Variants in MAPK10 observed in about 807,000 individuals in gnomAD.
MAPK10 encodes JNK3 alpha protein kinase.
Under a neutral mutation model 59.3 loss-of-function variants are expected in MAPK10, and 25 were observed. The ratio of observed to expected loss-of-function variants is 0.42; its 90% confidence interval spans 0.31 to 0.59. The LOEUF (loss-of-function observed/expected upper bound fraction) is 0.59, where lower values mean the gene tolerates loss of function less well. Among genes scored for constraint, MAPK10 ranks in the 20% least tolerant of loss-of-function variants. The pLI is 0.15. For missense variants in MAPK10, 351 were observed against 568.9 expected, an observed-to-expected ratio of 0.62 and a Z score of 3.90; for synonymous variants, 190 against 200.5, an observed-to-expected ratio of 0.95 and a Z score of 0.44.
chr4:86,573,803 C>T (rs1761649456), intron 1 of MAPK10, among the ~76,000 whole-genome samples: 1 of 152,118 alleles, frequency 6.6e-6, no homozygotes, highest in Non-Finnish European at 1.5e-5. Context: ...TCCACATTTT[C>T]TTAGATTTAT....
chr4:86,383,536 C>G (rs1377345103), intron 1 of MAPK10, among the ~76,000 whole-genome samples: 1 of 151,614 alleles, frequency 6.6e-6, no homozygotes. Context: ...AAAAATAAAC[C>G]AGTTATTAAT....
At chr4:86,552,402 CAG>C (rs1289903686) in intron 1 of MAPK10, among the ~76,000 whole-genome samples, 2 of 145,300 alleles carry the variant, frequency 1.4e-5, no homozygotes, top group African/African-American at 5.1e-5. Flanking sequence ...GCCCAGGCAA[CAG>C]AGTGAGACCC....
intron 2 of MAPK10, among the ~76,000 whole-genome samples, chr4:86,248,983 T>C (rs1249070198): frequency 6.6e-6 from 1 of 152,170 alleles, no homozygotes; most frequent in Non-Finnish European, 1.5e-5. Flanking sequence ...TTTTTAAAAG[T>C]ATAATTTAGC....
At chr4:86,229,501 T>G (rs962625998) in intron 2 of MAPK10, among the ~76,000 whole-genome samples, 4 of 152,180 alleles carry the variant, frequency 2.6e-5, no homozygotes, top group Non-Finnish European at 5.9e-5. Context: ...ATCCAGACTC[T>G]CTTTCTTCTA....
chr4:86,481,340 T>C (rs1227762104), intron 1 of MAPK10, among the ~76,000 whole-genome samples: 3 of 150,888 alleles, frequency 2.0e-5, no homozygotes, highest in Non-Finnish European at 4.4e-5. Context: ...AAGGCACCAA[T>C]CAGCATACTA....
intron 1 of MAPK10, among the ~76,000 whole-genome samples, chr4:86,359,284 CTCTCTGTGTGTGTGTGTG>C (rs1253866672): frequency 1.6e-4 from 21 of 132,880 alleles, no homozygotes; most frequent in Non-Finnish European, 2.8e-4. Flanking sequence ...CTCTCTCTCT[CTCTCTGTGTGTGTGTGTG>C]TGTGTGTGTG....
chr4:86,268,310 T>C (rs2094323251), intron 2 of MAPK10: 1 of 152,282 alleles, frequency 6.6e-6, no homozygotes, highest in Non-Finnish European at 1.5e-5. Context: ...CCATCTTTAC[T>C]GTGACATCTT....
At chr4:86,538,433 A>G (rs1430022105) in intron 1 of MAPK10, among the ~76,000 whole-genome samples, 1 of 152,196 alleles carries the variant, frequency 6.6e-6, no homozygotes, top group Non-Finnish European at 1.5e-5. Context: ...GGTGTGAGCC[A>G]CCGCACCCGG....
chr4:86,501,387 A>G (rs932507469), intron 1 of MAPK10, among the ~76,000 whole-genome samples: 1 of 151,998 alleles, frequency 6.6e-6, no homozygotes, highest in Non-Finnish European at 1.5e-5. Context: ...CCAAGGAATC[A>G]TTTACACTAT....
chr4:86,269,048 A>C (rs1252167208), intron 2 of MAPK10, among the ~76,000 whole-genome samples: 5 of 152,124 alleles, frequency 3.3e-5, no homozygotes, highest in Non-Finnish European at 5.9e-5. Flanking sequence ...ACATTTTTTG[A>C]ATGACTAAAA....
intron 11 of MAPK10, among the ~76,000 whole-genome samples, chr4:86,040,189 C>T (rs2041224333): frequency 6.6e-6 from 1 of 151,940 alleles, no homozygotes; most frequent in Non-Finnish European, 1.5e-5. Context: ...AATATATAAA[C>T]TAAGAGACAA....
intron 1 of MAPK10, among the ~76,000 whole-genome samples, chr4:86,528,808 T>G (rs1440882676): frequency 1.3e-5 from 2 of 152,230 alleles, no homozygotes; most frequent in Non-Finnish European, 2.9e-5. Flanking sequence ...CTTTTCAGTC[T>G]AATTTGGTTA....
chr4:86,225,180 G>A (rs1240106329), intron 2 of MAPK10, among the ~76,000 whole-genome samples: 1 of 152,162 alleles, frequency 6.6e-6, no homozygotes, highest in East Asian at 1.9e-4. Flanking sequence ...CCCTGAGCTG[G>A]AGTATAGAAA....
upstream of MAPK10, among the ~76,000 whole-genome samples, chr4:86,364,017 T>C (rs751080726): frequency 3.3e-5 from 5 of 152,166 alleles, no homozygotes; most frequent in Non-Finnish European, 7.4e-5. Flanking sequence ...CCTGAACTCA[T>C]GTGATCCTCT....
In MAPK10 at chr4:86,101,133, T is replaced by C; in HGVS notation, c.649A>G (p.Ser217Gly). 6.2e-7 allele frequency: 1 copy of C among 1,613,998 alleles called. No homozygotes were observed. Among genetic ancestry groups the C allele is most frequent in the Non-Finnish European group, 8.5e-7 (1 of 1,179,888 alleles). The change falls in exon 8 of 14, where the codon AGC becomes GGC. Residue 217 changes from serine (S) to glycine (G), a missense_variant. Physicochemically the swap from Ser to Gly is moderately conservative, Grantham distance 56 (BLOSUM62 0). Around this residue, in one of 5 missense-constraint regions of MAPK10, gnomAD observed 76 missense variants for 197.9 expected, o/e 0.38. Coordinates refer to ENST00000641462, the MANE Select transcript of MAPK10 (RefSeq NM_138982.4). ...DFGLARTAGT[S>G]FMMTPYVVTR... Reference sequence around the variant, plus strand: ...ACCACATATGGAGTCATCATGAAGCTTGTGCCTGCTGTCCTGGCCAGTCCA... The same window carrying C: ...ACCACATATGGAGTCATCATGAAGCCTGTGCCTGCTGTCCTGGCCAGTCCA...
At chr4:86,410,012 G>A (rs554373057) in intron 1 of MAPK10, among the ~76,000 whole-genome samples, 5 of 152,042 alleles carry the variant, frequency 3.3e-5, no homozygotes, top group Non-Finnish European at 5.9e-5. Context: ...AGTTTTTGCC[G>A]ATTCAGTATG....
At position 86,413,533 on chromosome 4, in the gene MAPK10, G is replaced by C. The variant is rs1038047587; in HGVS notation, c.-122+39497C>G. On this transcript the variant is annotated intron_variant, in intron 1 of 13. Coordinates refer to the MAPK10 transcript ENST00000361569. ...CCCAGAGGTGGAATCTAGAGAGACA[G>C]TAGTCCTTGCTGAGCTGTGGTGGGC... Among the ~76,000 whole-genome samples the C allele has an allele frequency of 3.5e-4, 53 of 152,354 alleles. 1 individual carries two copies. The highest frequency in any genetic ancestry group is 1.3e-3 in the African/African-American group (52 of 41,594).
Position 86,226,157 on chromosome 4 carries a change from G to A in MAPK10, c.-6-31750C>T, listed in dbSNP as rs2090571815. 2.0e-5 allele frequency among the ~76,000 whole-genome samples: 3 copies of A among 152,184 alleles called. No individual in the cohort carries two copies. In the South Asian group the frequency reaches 6.2e-4, roughly 32 times the overall value. On this transcript the variant is annotated intron_variant, in intron 2 of 13. Coordinates refer to ENST00000641462, the MANE Select transcript of MAPK10 (RefSeq NM_138982.4). Reference sequence around the variant, plus strand: ...GGATTTCTGGCTTTCAGCATCTGCTGACACACTTGGTTCTCAATGAAGCAA... The same window carrying A: ...GGATTTCTGGCTTTCAGCATCTGCTAACACACTTGGTTCTCAATGAAGCAA...
chr4:86,224,792 G>T (rs2090325754), intron 2 of MAPK10, among the ~76,000 whole-genome samples: 1 of 152,042 alleles, frequency 6.6e-6, no homozygotes. Context: ...AGAAAATAAG[G>T]TCAGAGAATC....
Sources: allele counts gnomAD v4.1 joint callset (sites outside exome capture counted in the v4.1 genomes callset), GRCh38; gene constraint gnomAD v4.1.1; regional missense constraint gnomAD v4.1.1; transcripts MANE v1.5; gene names NCBI Gene and HGNC (gene_info 2026-07-23, HGNC 2026-07-21).